The following SLC35F2 variants were observed in gnomAD, a reference collection of about 807,000 sequenced individuals.
The protein encoded by SLC35F2 is solute carrier family 35 member F2, also known as queuine/queuosine transporter SLC35F2.
A neutral mutation model predicts 38.1 loss-of-function variants in SLC35F2; 25 were observed. The observed-to-expected ratio is 0.66, with a 90% CI of 0.48 to 0.92. The LOEUF (loss-of-function observed/expected upper bound fraction) is 0.92. Among genes scored for constraint, SLC35F2 ranks in the 40% least tolerant of loss-of-function variants. SLC35F2 has a pLI of 0.00. For synonymous variants in SLC35F2, 173 were observed against 181.7 expected (o/e 0.95, Z 0.38); for missense variants, 409 against 452.9 (o/e 0.90, Z 0.88).
intron 1 of SLC35F2, among the ~76,000 whole-genome samples, chr11:107,828,833 G>A (rs12284339): frequency 0.049 from 7,526 of 152,096 alleles, 340 homozygotes; most frequent in African/African-American, 0.12. Context: ...CCGGCCGGGC[G>A]CAGTGACTCA....
chr11:107,791,036 T>TCC lies in SLC35F2; in HGVS notation c.*1577_*1578dup, dbSNP rs1239957058. On this transcript the variant is annotated 3_prime_UTR_variant, in exon 8 of 8. Coordinates refer to ENST00000525815, the MANE Select transcript of SLC35F2 (RefSeq NM_017515.5). ...GCCTTTTAATGATGTGAACACTTAC[T>TCC]CCCCATTTCTTTTTTACATTGTTAC... 6.6e-6 allele frequency: 1 copy of TCC among 152,636 alleles called. No homozygotes were observed. The highest frequency in any genetic ancestry group is 1.5e-5 in the Non-Finnish European group (1 of 68,032). The allele number at this position is 152,636 out of a possible 1,614,324, so 9.5% of individuals were successfully genotyped here.
At chr11:107,855,328 AAAAG>A (rs1231680936) in intron 1 of SLC35F2, among the ~76,000 whole-genome samples, 2 of 152,146 alleles carry the variant, frequency 1.3e-5, no homozygotes, top group Admixed American at 6.6e-5. Flanking sequence ...GTAGATATAA[AAAAG>A]AAAAAGACAC....
intron 1 of SLC35F2, among the ~76,000 whole-genome samples, chr11:107,841,401 A>T (rs1219514064): frequency 3.3e-5 from 5 of 152,124 alleles, no homozygotes; most frequent in African/African-American, 1.2e-4. Flanking sequence ...TGTCTCTACT[A>T]AAAATACAAA....
intron 1 of SLC35F2, among the ~76,000 whole-genome samples, chr11:107,824,557 C>T (rs573192760): frequency 6.6e-6 from 1 of 152,286 alleles, no homozygotes; most frequent in South Asian, 2.1e-4. Context: ...ATGTGACCTT[C>T]AAGAAAAGAT....
Position 107,792,210 on chromosome 11 carries a change from AC to A in SLC35F2, c.*404del, listed in dbSNP as rs113944944. On this transcript the variant is annotated 3_prime_UTR_variant, in exon 8 of 8. Transcript: ENST00000525815. ...TTGAAGCATCTGACAGAGGAAACGT[AC>A]TCCAGAGCCACCGTGAGCTGCCCCT... 0.036 allele frequency: 5,448 copies of A among 152,732 alleles called. 152 individuals are homozygous for A. Among genetic ancestry groups the A allele is most frequent in the African/African-American group, 0.078 (3,115 of 39,944 alleles). 9.5% of individuals were successfully genotyped at this position (152,732 alleles called of 1,614,324 possible).
intron 1 of SLC35F2, among the ~76,000 whole-genome samples, chr11:107,853,642 C>G (rs1200309012): frequency 6.6e-6 from 1 of 150,566 alleles, no homozygotes; most frequent in Non-Finnish European, 1.5e-5. Context: ...ATGGCGTGAA[C>G]CCGGGAGGCG....
At chr11:107,844,300 T>G (rs1386188590) in intron 1 of SLC35F2, among the ~76,000 whole-genome samples, 1 of 152,138 alleles carries the variant, frequency 6.6e-6, no homozygotes, top group African/African-American at 2.4e-5. Flanking sequence ...GAAATGGCAC[T>G]AGCCATTATA....
chr11:107,827,935 G>T (rs1348678064), intron 1 of SLC35F2, among the ~76,000 whole-genome samples: 17 of 152,012 alleles, frequency 1.1e-4, no homozygotes, highest in Admixed American at 1.1e-3. Context: ...AATTAATTAA[G>T]TAAACAAAAA....
chr11:107,852,783 G>A (rs1860208224), intron 1 of SLC35F2, among the ~76,000 whole-genome samples: 1 of 151,616 alleles, frequency 6.6e-6, no homozygotes, highest in Non-Finnish European at 1.5e-5. Flanking sequence ...GCTGAGGCAG[G>A]AGAATCACTT....
intron 1 of SLC35F2, among the ~76,000 whole-genome samples, chr11:107,834,919 C>G (rs1859905903): frequency 1.3e-5 from 2 of 152,196 alleles, no homozygotes; most frequent in Non-Finnish European, 2.9e-5. Context: ...TAACACACTT[C>G]AATCATATTG....
Position 107,805,432 on chromosome 11 carries a change from C to A in SLC35F2, c.658G>T (p.Val220Leu), listed in dbSNP as rs748687282. The A allele has an allele frequency of 3.1e-6, 5 of 1,613,978 alleles. No individual in the cohort carries two copies. The highest frequency in any genetic ancestry group is 1.7e-5 in the Admixed American group (1 of 59,990). Residue 220 changes from valine (V) to leucine (L), a missense_variant, in exon 5 of 8, where the codon GTG becomes TTG. Coordinates refer to ENST00000525815, the MANE Select transcript of SLC35F2 (RefSeq NM_017515.5). ...AISNVCEEYI[V>L]KKLSRQEFLG... is the part of the protein sequence containing the mutation. Reference sequence around the variant, plus strand: ...AACTCCTGTCTGCTCAGCTTCTTCACGATGTATTCCTCACAAACATTTGAA... The same window carrying A: ...AACTCCTGTCTGCTCAGCTTCTTCAAGATGTATTCCTCACAAACATTTGAA...
At chr11:107,857,976 T>C (rs952089804) in intron 1 of SLC35F2, among the ~76,000 whole-genome samples, 2 of 152,194 alleles carry the variant, frequency 1.3e-5, no homozygotes, top group Non-Finnish European at 2.9e-5. Flanking sequence ...TTCTCTCATT[T>C]CCAGAGTGCA....
rs116809580 is a variant in SLC35F2 at position 107,815,659 on chromosome 11, A to G, written c.286+131T>C. 1.3e-3 allele frequency: 1,348 copies of G among 1,062,140 alleles called. 6 individuals are homozygous for G. The African/African-American group carries it at 0.015, about 12-fold the overall frequency. The allele number at this position is 1,062,140 out of a possible 1,614,324, so 65.8% of individuals were successfully genotyped here. On this transcript the variant is annotated intron_variant, in intron 2 of 7. Coordinates refer to ENST00000525815, the MANE Select transcript of SLC35F2 (RefSeq NM_017515.5). ...CAAACAGTATGGTGCTACTTACTTTAATCAACAATTTCAGAGAATTGTGCA... is the reference window on the plus strand; with the variant it reads ...CAAACAGTATGGTGCTACTTACTTTGATCAACAATTTCAGAGAATTGTGCA...
chr11:107,849,818 A>G lies in SLC35F2; in HGVS notation c.110+8840T>C, dbSNP rs983305787. Among the ~76,000 whole-genome samples, 5 of 152,152 alleles carry G rather than the reference A, an allele frequency of 3.3e-5. 1 individual carries two copies. The highest frequency in any genetic ancestry group is 5.9e-5 in the Non-Finnish European group (4 of 68,034). On this transcript the variant is annotated intron_variant, in intron 1 of 7. Coordinates refer to ENST00000525815, the MANE Select transcript of SLC35F2 (RefSeq NM_017515.5). ...TTGTCTAGAACTGGTCTAGGGGAAGAAGGAGACTACAGCCTGGGGCAGAAA... is the reference window on the plus strand; with the variant it reads ...TTGTCTAGAACTGGTCTAGGGGAAGGAGGAGACTACAGCCTGGGGCAGAAA...
At chr11:107,804,966 T>A (rs956996359) in intron 5 of SLC35F2, 196 bp from the exon 6 acceptor site, 32 of 849,666 alleles carry the variant, frequency 3.8e-5, no homozygotes, top group Non-Finnish European at 4.4e-5. Flanking sequence ...TATGTTTGAC[T>A]CCCTTACAGG....
chr11:107,853,130 A>C (rs1213198384), intron 1 of SLC35F2, among the ~76,000 whole-genome samples: 2 of 152,082 alleles, frequency 1.3e-5, no homozygotes, highest in Non-Finnish European at 2.9e-5. Context: ...TGGCACTTTC[A>C]AGCCTAGACT....
chr11:107,853,511 G>A (rs113574693), intron 1 of SLC35F2, among the ~76,000 whole-genome samples: 4,373 of 151,872 alleles, frequency 0.029, 198 homozygotes, highest in African/African-American at 0.098. Flanking sequence ...GAGGTCAGGA[G>A]ATCGAGACCA....
chr11:107,827,442 C>T (rs1386896902), intron 1 of SLC35F2, among the ~76,000 whole-genome samples: 6 of 152,028 alleles, frequency 3.9e-5, no homozygotes. Context: ...GGGTGAAACC[C>T]CATCTCTACT....
rs377035664 is a variant in SLC35F2 at position 107,799,958 on chromosome 11, G to A, written c.939+3043C>T. 2.4e-3 allele frequency among the ~76,000 whole-genome samples: 360 copies of A among 151,076 alleles called. 4 individuals are homozygous for A. The highest frequency in any genetic ancestry group is 8.2e-3 in the African/African-American group (339 of 41,150). On this transcript the variant is annotated intron_variant, in intron 7 of 7. Coordinates refer to ENST00000525815, the MANE Select transcript of SLC35F2 (RefSeq NM_017515.5). Reference sequence around the variant, plus strand: ...GGCTGGAGTGCAGTGGCGTGATCTCGGCTTATTGCAAGCTCTGCCTCCCAG... The same window carrying A: ...GGCTGGAGTGCAGTGGCGTGATCTCAGCTTATTGCAAGCTCTGCCTCCCAG...
Sources: gnomAD v4.1 joint callset for allele counts (sites outside exome capture counted in the v4.1 genomes callset) on GRCh38, gnomAD v4.1.1 for gene constraint, MANE v1.5 for transcripts, NCBI Gene and HGNC (gene_info 2026-07-23, HGNC 2026-07-21) for gene names.